Variants in SCAI observed in about 807,000 individuals in gnomAD.
The protein encoded by SCAI is suppressor of cancer cell invasion.
In SCAI, 24 loss-of-function variants were observed where a neutral mutation model predicts 92.2. That is an observed-to-expected ratio of 0.26 (90% CI 0.19 to 0.37). The LOEUF (loss-of-function observed/expected upper bound fraction) is 0.37. SCAI is among the 10% of genes least tolerant of loss of function. SCAI has a pLI of 1.00. For synonymous variants in SCAI, 261 were observed against 258.6 expected (o/e 1.01, Z -0.09); for missense variants, 450 against 736.2 (o/e 0.61, Z 4.50).
intron 6 of SCAI, among the ~76,000 whole-genome samples, chr9:125,022,747 T>C (rs1405015296): frequency 6.6e-6 from 1 of 152,174 alleles, no homozygotes; most frequent in Non-Finnish European, 1.5e-5. Context: ...CAGTATATTA[T>C]TGGGTTTTTC....
intron 15 of SCAI, chr9:124,975,258 G>T: frequency 2.2e-6 from 1 of 449,656 alleles, no homozygotes; most frequent in Non-Finnish European, 4.5e-6. Context: ...TTAAAACAAC[G>T]GTGAAAGCCT....
At chr9:125,006,338 A>G (rs1588146918) in intron 9 of SCAI, among the ~76,000 whole-genome samples, 1 of 152,358 alleles carries the variant, frequency 6.6e-6, no homozygotes, top group Non-Finnish European at 1.5e-5. Context: ...GGCGGGGATT[A>G]AAGAAGGGGC....
chr9:124,991,903 G>A (rs1316815942), intron 14 of SCAI, among the ~76,000 whole-genome samples: 36 of 152,098 alleles, frequency 2.4e-4, no homozygotes, highest in Non-Finnish European at 1.6e-4. Flanking sequence ...ACTTTACAAT[G>A]CTTAATTTCA....
intron 17 of SCAI, among the ~76,000 whole-genome samples, chr9:124,960,112 A>G (rs754721493): frequency 3.9e-5 from 6 of 152,168 alleles, no homozygotes; most frequent in Non-Finnish European, 7.3e-5. Context: ...AATCACTGCA[A>G]TTTCTTATAA....
intron 15 of SCAI, among the ~76,000 whole-genome samples, chr9:124,974,704 T>C (rs1297802537): frequency 2.0e-5 from 3 of 152,214 alleles, no homozygotes; most frequent in African/African-American, 7.2e-5. Flanking sequence ...AGCATGAAGA[T>C]AGGAAACCGG....
At chr9:125,008,652 T>C (rs1400444222) in intron 9 of SCAI, among the ~76,000 whole-genome samples, 1 of 152,092 alleles carries the variant, frequency 6.6e-6, no homozygotes, top group Admixed American at 6.6e-5. Flanking sequence ...ACAGCCTAAC[T>C]TAAACCTAGA....
At chr9:125,131,937 C>T (rs1314493637) in intron 2 of SCAI, among the ~76,000 whole-genome samples, 2 of 152,132 alleles carry the variant, frequency 1.3e-5, no homozygotes, top group African/African-American at 2.4e-5. Flanking sequence ...ACCTGTCTGA[C>T]GGCTACCTAC....
At chr9:125,008,363 C>T (rs1201488269) in intron 9 of SCAI, among the ~76,000 whole-genome samples, 5 of 152,070 alleles carry the variant, frequency 3.3e-5, no homozygotes, top group African/African-American at 9.7e-5. Flanking sequence ...TCTCGGACTC[C>T]TAACCTCAAG....
chr9:125,006,965 C>T (rs554567317), intron 9 of SCAI, among the ~76,000 whole-genome samples: 8 of 151,864 alleles, frequency 5.3e-5, no homozygotes, highest in Non-Finnish European at 1.2e-4. Flanking sequence ...CTAACAAATA[C>T]AAAAATTAGC....
At chr9:125,058,101 T>TAA (rs34425131) in intron 2 of SCAI, among the ~76,000 whole-genome samples, 6,355 of 149,298 alleles carry the variant, frequency 0.043, 358 homozygotes, top group East Asian at 0.23. Context: ...CCCATTTCTT[T>TAA]AAAAAAAAAA....
At chr9:125,123,868 C>T (rs16927876) in intron 2 of SCAI, among the ~76,000 whole-genome samples, 3,534 of 152,340 alleles carry the variant, frequency 0.023, 146 homozygotes, top group African/African-American at 0.081. Context: ...CATGCACTCC[C>T]CGTCTAGAAA....
intron 2 of SCAI, among the ~76,000 whole-genome samples, chr9:125,098,044 T>C (rs1053546858): frequency 6.6e-6 from 1 of 151,524 alleles, no homozygotes; most frequent in Non-Finnish European, 1.5e-5. Flanking sequence ...CACACATATA[T>C]ATATGTGTAT....
At chr9:125,039,898 TACAA>T (rs1198132894) in intron 3 of SCAI, among the ~76,000 whole-genome samples, 1 of 152,252 alleles carries the variant, frequency 6.6e-6, no homozygotes, top group Non-Finnish European at 1.5e-5. Flanking sequence ...GGACTCATTT[TACAA>T]ACAATCTATC....
At chr9:124,987,266 C>A (rs1050571189) in intron 14 of SCAI, among the ~76,000 whole-genome samples, 1 of 152,194 alleles carries the variant, frequency 6.6e-6, no homozygotes, top group Admixed American at 6.5e-5. Context: ...TTGTGATCCG[C>A]CTGCCTCGGC....
At chr9:125,020,978 T>C (rs188405968) in intron 6 of SCAI, among the ~76,000 whole-genome samples, 115 of 152,322 alleles carry the variant, frequency 7.5e-4, no homozygotes, top group African/African-American at 2.7e-3. Flanking sequence ...CAAGTATTTA[T>C]TGAGAACTTA....
At position 124,948,755 on chromosome 9, in the gene SCAI, T is replaced by C. The variant is rs923594957; in HGVS notation, c.*4052A>G. Reference sequence around the variant, plus strand: ...ATGCTTTCTATGTTGTTTACAGTGATAGTTAAGAGAGATGAGAGACTATCA... The same window carrying C: ...ATGCTTTCTATGTTGTTTACAGTGACAGTTAAGAGAGATGAGAGACTATCA... On this transcript the variant is annotated 3_prime_UTR_variant, in exon 18 of 18. Transcript: ENST00000336505. 1 of 152,206 alleles carries C rather than the reference T, an allele frequency of 6.6e-6. No individual in the cohort carries two copies. The allele number at this position is 152,206 out of a possible 1,614,324, so 9.4% of individuals were successfully genotyped here.
At chr9:125,035,937 C>T (rs1010736262) in intron 3 of SCAI, among the ~76,000 whole-genome samples, 15 of 152,180 alleles carry the variant, frequency 9.9e-5, no homozygotes, top group African/African-American at 3.4e-4. Context: ...CTCGGGGCTG[C>T]TCTGCCTACA....
chr9:125,072,565 A>T (rs561161318), intron 2 of SCAI, among the ~76,000 whole-genome samples: 70 of 152,192 alleles, frequency 4.6e-4, no homozygotes, highest in African/African-American at 1.7e-3. Context: ...CATCTTAACC[A>T]TTTCTAAGTG....
intron 2 of SCAI, among the ~76,000 whole-genome samples, chr9:125,118,100 C>T (rs944302892): frequency 2.0e-5 from 3 of 152,094 alleles, no homozygotes; most frequent in Non-Finnish European, 4.4e-5. Context: ...CAACTAATCA[C>T]TAAACAATTA....
Sources: gnomAD v4.1 joint callset for allele counts (sites outside exome capture counted in the v4.1 genomes callset) on GRCh38, gnomAD v4.1.1 for gene constraint, MANE v1.5 for transcripts, NCBI Gene and HGNC (gene_info 2026-07-23, HGNC 2026-07-21) for gene names.